Variants in RNF170 observed in about 807,000 individuals in gnomAD.
The protein encoded by RNF170 is E3 ubiquitin-protein ligase RNF170.
A neutral mutation model predicts 32.7 loss-of-function variants in RNF170; 12 were observed. The ratio of observed to expected loss-of-function variants is 0.37; its 90% CI spans 0.24 to 0.60. RNF170 has a LOEUF of 0.60. RNF170 is among the 20% of genes least tolerant of loss of function. The pLI, the probability that RNF170 is intolerant of heterozygous loss-of-function variation, is 0.72. For missense variants in RNF170, 212 were observed against 311.2 expected (o/e 0.68, Z 2.40); for synonymous variants, 91 against 103.6 (o/e 0.88, Z 0.74).
Position 42,854,145 on chromosome 8 carries a change from T to A in RNF170, c.*2014A>T. On this transcript the variant is annotated 3_prime_UTR_variant, in exon 7 of 7. Transcript: ENST00000527424. ...TATGCCACCCTTTTACCTATTTGAT[T>A]TGGAAGTGTAGAATTCGGATTCATG... is the stretch of plus-strand genomic sequence containing the variant. 7.8e-7 allele frequency: 1 copy of A among 1,287,258 alleles called. No individual in the cohort carries two copies. Among genetic ancestry groups the A allele is most frequent in the Non-Finnish European group, 1.0e-6 (1 of 988,706 alleles). The allele number at this position is 1,287,258 out of a possible 1,614,324, so 79.7% of individuals were successfully genotyped here. A position where few individuals can be genotyped will look rare whatever the true frequency, so the allele number is the denominator to read the frequency against.
At chr8:42,882,994 C>T (rs548498962) in intron 2 of RNF170, among the ~76,000 whole-genome samples, 18 of 151,416 alleles carry the variant, frequency 1.2e-4, no homozygotes, top group Admixed American at 7.9e-4. Context: ...GCCTGGGGGG[C>T]GAAGGTTGCA....
intron 2 of RNF170, among the ~76,000 whole-genome samples, chr8:42,876,023 T>C (rs1218913872): frequency 3.3e-5 from 5 of 152,122 alleles, no homozygotes; most frequent in African/African-American, 1.2e-4. Context: ...CTCATTTAAA[T>C]ACCAGTGAAT....
Position 42,876,351 on chromosome 8 carries a change from T to G in RNF170, c.138-2345A>C, listed in dbSNP as rs1396349730. Among the ~76,000 whole-genome samples, 3 of 152,008 alleles carry G rather than the reference T, an allele frequency of 2.0e-5. No homozygotes were observed. The East Asian group carries it at 5.8e-4, about 29-fold the overall frequency. On this transcript the variant is annotated intron_variant, in intron 2 of 6. Transcript: ENST00000527424. ...AGCCCAAGCTGCTGAATACTGCCTG[T>G]AACTCCCATAATAATGGTATTTGGA...
downstream of RNF170, among the ~76,000 whole-genome samples, chr8:42,851,753 T>G (rs1802948934): frequency 0.013 from 1 of 80 alleles, no homozygotes. Context: ...ATCCTCCCAC[T>G]TCAGCTCTGG....
At chr8:42,853,025 C>A (rs1302609989), downstream of RNF170, among the ~76,000 whole-genome samples, 1 of 150,658 alleles carries the variant, frequency 6.6e-6, no homozygotes, top group South Asian at 2.1e-4. Flanking sequence ...ACTTGGGAGG[C>A]TGAGACAGGA....
intron 4 of RNF170, among the ~76,000 whole-genome samples, chr8:42,866,869 CT>C (rs140955607): frequency 0.015 from 2,242 of 152,294 alleles, 31 homozygotes; most frequent in Non-Finnish European, 0.022. Flanking sequence ...TGAATACTGT[CT>C]GGGATTTAAG....
chr8:42,854,958 T>A lies in RNF170; in HGVS notation c.*1201A>T. The A allele has an allele frequency of 7.8e-7, 1 of 1,287,230 alleles. No individual in the cohort carries two copies. Among genetic ancestry groups the A allele is most frequent in the Non-Finnish European group, 1.0e-6 (1 of 988,694 alleles). 79.7% of individuals were successfully genotyped at this position (1,287,230 alleles called of 1,614,324 possible). A position where few individuals can be genotyped will look rare whatever the true frequency, so the allele number is the denominator to read the frequency against. On this transcript the variant is annotated 3_prime_UTR_variant, in exon 7 of 7. Coordinates refer to ENST00000527424, the MANE Select transcript of RNF170 (RefSeq NM_030954.4). ...GACAACAGAAAACTAACAAAATTTG[T>A]CCAATCTGTTGCTATAGCTAACCAG...
intron 2 of RNF170, among the ~76,000 whole-genome samples, chr8:42,885,941 G>A (rs1017446229): frequency 2.0e-5 from 3 of 152,020 alleles, no homozygotes; most frequent in Admixed American, 6.6e-5. Context: ...ATTTTTGGTA[G>A]GCCAGGCACG....
intron 2 of RNF170, among the ~76,000 whole-genome samples, chr8:42,886,500 A>AGT (rs1563272963): frequency 2.6e-5 from 4 of 152,318 alleles, no homozygotes; most frequent in Non-Finnish European, 5.9e-5. Context: ...ATCTTGGATC[A>AGT]CTGCAACCTC....
intron 2 of RNF170, 62 bp downstream of exon 2, chr8:42,887,666 T>G: frequency 6.9e-7 from 1 of 1,444,380 alleles, no homozygotes; most frequent in South Asian, 1.1e-5. Context: ...TATACATTAT[T>G]AGGGGTCAAA....
intron 1 of RNF170, among the ~76,000 whole-genome samples, chr8:42,895,187 C>T (rs1003579451): frequency 6.6e-6 from 1 of 151,974 alleles, no homozygotes; most frequent in Non-Finnish European, 1.5e-5. Context: ...TCGTGGCCTG[C>T]ACCTGTGGTT....
At chr8:42,890,802 C>T (rs1806238672) in intron 1 of RNF170, among the ~76,000 whole-genome samples, 1 of 152,102 alleles carries the variant, frequency 6.6e-6, no homozygotes, top group South Asian at 2.1e-4. Flanking sequence ...ATTTGACCTG[C>T]TTGTTGGGGG....
chr8:42,871,839 G>A (rs1804545893), intron 3 of RNF170, among the ~76,000 whole-genome samples: 1 of 152,192 alleles, frequency 6.6e-6, no homozygotes, highest in South Asian at 2.1e-4. Flanking sequence ...GATTACAGGC[G>A]TGAGCCACTG....
chr8:42,851,146 C>G (rs1586464224), downstream of RNF170: 1 of 1,169,300 alleles, frequency 8.6e-7, no homozygotes, highest in Admixed American at 2.4e-5. Flanking sequence ...ACCACAGCCC[C>G]CATTGGGCTC....
chr8:42,862,447 A>C (rs541850274), intron 5 of RNF170, among the ~76,000 whole-genome samples: 2 of 152,346 alleles, frequency 1.3e-5, no homozygotes. Flanking sequence ...AAGGATGTAC[A>C]AATGTCCCAG....
rs779241126 is a variant in RNF170 at position 42,870,116 on chromosome 8, A to G, written c.214-4T>C. On this transcript the variant is annotated splice_polypyrimidine_tract_variant and splice_region_variant and intron_variant, in intron 3 of 6. Coordinates refer to ENST00000527424, the MANE Select transcript of RNF170 (RefSeq NM_030954.4). ...GTCGAGTGGCAGCAGGTGCATCCTA[A>G]TAAGAACACAGGTGCACACATTGGA... 4.6e-5 allele frequency: 73 copies of G among 1,603,516 alleles called. 1 individual carries two copies. Among genetic ancestry groups the G allele is most frequent in the South Asian group, 1.5e-4 (14 of 90,756 alleles).
upstream of RNF170, chr8:42,896,909 C>T (rs1806981170): frequency 8.2e-6 from 3 of 367,808 alleles, no homozygotes; most frequent in Non-Finnish European, 1.5e-5. Context: ...CGGGCGTGTC[C>T]GAAGTCGCGC....
intron 5 of RNF170, among the ~76,000 whole-genome samples, chr8:42,863,984 T>A (rs6994306): frequency 1.2e-3 from 153 of 124,108 alleles, no homozygotes; most frequent in Non-Finnish European, 1.8e-3. Flanking sequence ...AGAGAGAGTG[T>A]GTGTGTGTGT....
chr8:42,881,614 C>T (rs1805413317), intron 2 of RNF170: 1 of 152,104 alleles, frequency 6.6e-6, no homozygotes. Flanking sequence ...GGTCATTTTC[C>T]TAAGTGAATT....
Sources: gnomAD v4.1 joint callset for allele counts (sites outside exome capture counted in the v4.1 genomes callset) on GRCh38, gnomAD v4.1.1 for gene constraint, MANE v1.5 for transcripts, NCBI Gene and HGNC (gene_info 2026-07-23, HGNC 2026-07-21) for gene names.